Variants in ETAA1 observed in about 807,000 individuals in gnomAD.
ETAA1 encodes ETAA1 activator of ATR kinase.
In ETAA1, 49 loss-of-function variants were observed where a neutral mutation model predicts 76.8. The ratio of observed to expected loss-of-function variants is 0.64; its 90% CI spans 0.51 to 0.81. The LOEUF (loss-of-function observed/expected upper bound fraction) is 0.81, where lower values mean the gene tolerates loss of function less well. Ranked by LOEUF, ETAA1 falls within the 30% of genes least tolerant of loss-of-function variation. The pLI is 0.00. For synonymous variants in ETAA1, 373 were observed against 372.2 expected, an observed-to-expected ratio of 1.00 and a Z score of -0.03; for missense variants, 1,099 against 1,074.0, an observed-to-expected ratio of 1.02 and a Z score of -0.32.
chr2:67,403,834 A>G lies in ETAA1; in HGVS notation c.1152A>G (p.Glu384=). The G allele has an allele frequency of 6.2e-7, 1 of 1,613,368 alleles. No homozygotes were observed. Among genetic ancestry groups the G allele is most frequent in the Non-Finnish European group, 8.5e-7 (1 of 1,179,494 alleles). The change falls in exon 5 of 6, where the codon GAA becomes GAG. Residue 384 remains glutamate, a synonymous_variant. Coordinates refer to ENST00000272342, the MANE Select transcript of ETAA1 (RefSeq NM_019002.4). ...FTTSDFEDDW[E]NLLGSEPFAM... ...CAAGTGATTTTGAGGATGATTGGGAAAACTTACTAGGTAGTGAACCTTTTG... is the reference window on the plus strand; with the variant it reads ...CAAGTGATTTTGAGGATGATTGGGAGAACTTACTAGGTAGTGAACCTTTTG...
intron 5 of ETAA1, 112 bp from the exon 6 acceptor site, chr2:67,409,799 A>C: frequency 1.1e-6 from 1 of 922,956 alleles, no homozygotes; most frequent in Non-Finnish European, 1.6e-6. Context: ...GTTTGATTTA[A>C]TAGCCAACTA....
chr2:67,399,706 A>C, intron 3 of ETAA1, 80 bp downstream of exon 3: 1 of 944,746 alleles, frequency 1.1e-6, no homozygotes, highest in Non-Finnish European at 1.6e-6. Flanking sequence ...TTTAAATGAA[A>C]AGTATTGTCT....
In ETAA1 at chr2:67,403,871, A is replaced by G. The variant is rs1558580886; in HGVS notation, c.1189A>G (p.Ile397Val). ...TAGTGAACCTTTTGCTATGCAAAAT[A>G]TCGACATGCCTGAACTCTTTCCTTC... is the stretch of plus-strand genomic sequence containing the variant. ...LGSEPFAMQNIDMPELFPSKT... is the reference protein window; with the variant it reads ...LGSEPFAMQNVDMPELFPSKT... The change falls in exon 5 of 6, where the codon ATC becomes GTC. Residue 397 changes from isoleucine to valine, a missense_variant. This residue lies in a region of ETAA1 where 761 missense variants were observed against 731.9 expected (regional missense o/e 1.04). Transcript: ENST00000272342. The G allele has an allele frequency of 1.2e-6, 2 of 1,613,192 alleles. No homozygotes were observed. Among genetic ancestry groups the G allele is most frequent in the East Asian group, 2.2e-5 (1 of 44,864 alleles).
Position 67,404,934 on chromosome 2 carries a change from A to G in ETAA1, c.2252A>G (p.His751Arg). ...KISNCQINNL[H>R]VSYTNTDVPI... ...TCAAACTGTCAGATAAATAATCTGCATGTGTCTTATACTAACACTGATGTT... is the reference window on the plus strand; with the variant it reads ...TCAAACTGTCAGATAAATAATCTGCGTGTGTCTTATACTAACACTGATGTT... The change falls in exon 5 of 6, where the codon CAT becomes CGT. Residue 751 changes from histidine (H) to arginine (R), a missense_variant. Transcript: ENST00000272342. The G allele has an allele frequency of 6.2e-7, 1 of 1,613,152 alleles. No individual in the cohort carries two copies. Among genetic ancestry groups the G allele is most frequent in the Non-Finnish European group, 8.5e-7 (1 of 1,179,444 alleles).
chr2:67,407,197 A>G (rs917887254), intron 5 of ETAA1, among the ~76,000 whole-genome samples: 2 of 151,344 alleles, frequency 1.3e-5, no homozygotes, highest in Non-Finnish European at 2.9e-5. Context: ...TGGAAGAATT[A>G]TCTTGGATCA....
Position 67,404,780 on chromosome 2 carries a change from A to G in ETAA1, c.2098A>G (p.Ile700Val). ...ATCAAAGCATTTGAATCCAGGCAGC[A>G]TTTCAGTGCAGACATCTTTGACAAA... ...VQSKHLNPGS[I>V]SVQTSLTNSS... Residue 700 changes from isoleucine to valine, a missense_variant, in exon 5 of 6, where the codon ATT (isoleucine) becomes GTT (valine). By Grantham distance (29) the Ile-to-Val change is conservative. Around this residue, in one of 3 missense-constraint regions of ETAA1, gnomAD observed 302 missense variants for 278.1 expected, o/e 1.09. Coordinates refer to ENST00000272342, the MANE Select transcript of ETAA1 (RefSeq NM_019002.4). 3.1e-6 allele frequency: 5 copies of G among 1,613,452 alleles called. No individual in the cohort carries two copies. Among genetic ancestry groups the G allele is most frequent in the Non-Finnish European group, 4.2e-6 (5 of 1,179,578 alleles).
chr2:67,402,851 A>C lies in ETAA1; in HGVS notation c.430-11A>C. The C allele has an allele frequency of 1.3e-6, 2 of 1,564,838 alleles. No homozygotes were observed. The highest frequency in any genetic ancestry group is 1.7e-6 in the Non-Finnish European group (2 of 1,158,508). ...GTACTTTATACCTCTTTTTTTCCCT[A>C]TCTGCCAAAGGATGAAAAACCAACA... On this transcript the variant is annotated splice_polypyrimidine_tract_variant and intron_variant, in intron 3 of 5. Coordinates refer to ENST00000272342, the MANE Select transcript of ETAA1 (RefSeq NM_019002.4).
At chr2:67,398,840 G>C (rs992555701) in intron 1 of ETAA1, among the ~76,000 whole-genome samples, 7 of 152,136 alleles carry the variant, frequency 4.6e-5, no homozygotes, top group African/African-American at 1.7e-4. Context: ...ATTTTTGAAT[G>C]TACCTATAAA....
In ETAA1 at chr2:67,399,335, T is replaced by C. The variant is rs1252492118; in HGVS notation, c.352+38T>C. ...TAACATTTTTTATGTGAGTAAATAT[T>C]TGATAAATGATTCAGATTTAACTAG... On this transcript the variant is annotated intron_variant, in intron 2 of 5. Transcript: ENST00000272342. 3.9e-6 allele frequency: 6 copies of C among 1,542,468 alleles called. No individual in the cohort carries two copies. The African/African-American group carries it at 6.9e-5, about 18-fold the overall frequency.
At position 67,399,614 on chromosome 2, in the gene ETAA1, T is replaced by A; in HGVS notation, c.417T>A (p.Arg139=). The stretch of plus-strand genomic sequence containing the variant: ...ATGAGATTTCACATATTGTTAATCG[T>A]ATTGCTCCTCAGGTAAATATCACTA... ...DSDEISHIVN[R]IAPQDEKPTT... is the part of the protein sequence containing the mutation. The change falls in exon 3 of 6, where the codon CGT becomes CGA. Residue 139 remains arginine, a synonymous_variant. Transcript: ENST00000272342. 2 of 1,606,120 alleles carry A rather than the reference T, an allele frequency of 1.2e-6. No homozygotes were observed. The highest frequency in any genetic ancestry group is 8.5e-7 in the Non-Finnish European group (1 of 1,174,416).
At chr2:67,399,083 G>A in intron 1 of ETAA1, 86 bp from the exon 2 acceptor site, 2 of 1,191,666 alleles carry the variant, frequency 1.7e-6, no homozygotes, top group Non-Finnish European at 2.3e-6. Context: ...ATAAAAGTTA[G>A]TCTCAGCTAT....
Position 67,397,722 on chromosome 2 carries a change from A to G in ETAA1, c.223+51A>G, listed in dbSNP as rs898996209. The G allele has an allele frequency of 9.3e-6, 14 of 1,505,342 alleles. No homozygotes were observed. In the African/African-American group the frequency reaches 1.4e-4, roughly 15 times the overall value. The allele number at this position is 1,505,342 out of a possible 1,614,324, so 93.2% of individuals were successfully genotyped here. A position where few individuals can be genotyped will look rare whatever the true frequency, so the allele number is the denominator to read the frequency against. ...CTTGGCTTCGGCGCCGCATCCCCAC[A>G]TCCCAGCTTGCAACAGGGAAATCTG... On this transcript the variant is annotated intron_variant, in intron 1 of 5. Transcript: ENST00000272342.
In ETAA1 at chr2:67,404,058, C is replaced by G. The variant is rs1251301600; in HGVS notation, c.1376C>G (p.Ala459Gly). 4 of 1,602,548 alleles carry G rather than the reference C, an allele frequency of 2.5e-6. No homozygotes were observed. The East Asian group carries it at 8.9e-5, about 36-fold the overall frequency. ...ACATATGACAGAGAATTAATAGATG[C>G]AGAATATAGATTTTCACCAAATTCA... ...SKTYDRELID[A>G]EYRFSPNSNK... Residue 459 changes from alanine to glycine, a missense_variant, in exon 5 of 6, where the codon GCA (alanine) becomes GGA (glycine). Physicochemically the swap from Ala to Gly is moderately conservative, Grantham distance 60. Around this residue, in one of 3 missense-constraint regions of ETAA1, gnomAD observed 761 missense variants for 731.9 expected, o/e 1.04. Coordinates refer to ENST00000272342, the MANE Select transcript of ETAA1 (RefSeq NM_019002.4).
intron 2 of ETAA1, 114 bp downstream of exon 2, chr2:67,399,411 TTATCTG>T: frequency 3.4e-6 from 4 of 1,175,330 alleles, no homozygotes; most frequent in Non-Finnish European, 4.9e-6. Flanking sequence ...TTATATGATT[TTATCTG>T]TATAAGTATG....
intron 5 of ETAA1, among the ~76,000 whole-genome samples, chr2:67,408,671 A>G (rs1178038355): frequency 1.3e-5 from 2 of 152,172 alleles, no homozygotes; most frequent in African/African-American, 2.4e-5. Context: ...GACTGATGGG[A>G]AAAATGGATG....
At position 67,406,875 on chromosome 2, in the gene ETAA1, A is replaced by G. The variant is rs564880566; in HGVS notation, c.2653+1540A>G. ...ATATAAATTTATTTTAGTCCTGTTAATGACTATGTGATATATATGGTGGAT... is the reference window on the plus strand; with the variant it reads ...ATATAAATTTATTTTAGTCCTGTTAGTGACTATGTGATATATATGGTGGAT... On this transcript the variant is annotated intron_variant, in intron 5 of 5. Coordinates refer to ENST00000272342, the MANE Select transcript of ETAA1 (RefSeq NM_019002.4). Among the ~76,000 whole-genome samples the G allele has an allele frequency of 4.6e-5, 7 of 152,160 alleles. No individual in the cohort carries two copies. The East Asian group carries it at 1.2e-3, about 25-fold the overall frequency.
Position 67,403,239 on chromosome 2 carries a change from G to C in ETAA1, c.557G>C (p.Ser186Thr), listed in dbSNP as rs201056460. 1.5e-3 allele frequency: 2,381 copies of C among 1,562,346 alleles called. 16 individuals carry two copies. In the Middle Eastern group the frequency reaches 0.019, roughly 12 times the overall value. ...TTGTTTAATAGGTTAAAAACACAAAGTCAAGAAGAAGAACTTATGAAACTG... is the reference window on the plus strand; with the variant it reads ...TTGTTTAATAGGTTAAAAACACAAACTCAAGAAGAAGAACTTATGAAACTG... ...KISCTKLKTQ[S>T]QEEELMKLAK... Residue 186 changes from serine to threonine, a missense_variant, in exon 5 of 6, where the codon AGT (serine) becomes ACT (threonine). Ser to Thr is a moderately conservative substitution (Grantham distance 58, BLOSUM62 1). Coordinates refer to ENST00000272342, the MANE Select transcript of ETAA1 (RefSeq NM_019002.4).
chr2:67,399,079 G>T (rs967912910), intron 1 of ETAA1, 90 bp from the exon 2 acceptor site: 2 of 1,148,326 alleles, frequency 1.7e-6, no homozygotes, highest in Admixed American at 5.3e-5. Flanking sequence ...GACTATAAAA[G>T]TTAGTCTCAG....
rs1382914265 is a variant in ETAA1 at position 67,404,869 on chromosome 2, A to G, written c.2187A>G (p.Arg729=). ...GGGAAATGTATGGAAATTCTCCAAG[A>G]TTTTTAGGTGCCACAAATTTGACTA... is the stretch of plus-strand genomic sequence containing the variant. The part of the protein sequence containing the change: ...EKGEMYGNSP[R]FLGATNLTMY... Residue 729 remains arginine (R), a synonymous_variant, in exon 5 of 6, where the codon AGA becomes AGG. Transcript: ENST00000272342. 6.2e-7 allele frequency: 1 copy of G among 1,612,978 alleles called. No individual in the cohort carries two copies. The highest frequency in any genetic ancestry group is 8.5e-7 in the Non-Finnish European group (1 of 1,179,338).
Sources: gnomAD v4.1 joint callset for allele counts (sites outside exome capture counted in the v4.1 genomes callset) on GRCh38, gnomAD v4.1.1 for gene constraint, gnomAD v4.1.1 regional missense constraint, MANE v1.5 for transcripts, NCBI Gene and HGNC (gene_info 2026-07-23, HGNC 2026-07-21) for gene names.